MBNL3: variants seen among roughly 807,000 people sequenced by gnomAD.
MBNL3 encodes muscleblind like splicing regulator 3.
In MBNL3, 6 loss-of-function variants were observed where a neutral mutation model predicts 24.5. The observed-to-expected ratio is 0.25, with a 90% confidence interval of 0.13 to 0.48. MBNL3 has a LOEUF of 0.48. MBNL3 is among the 20% of genes least tolerant of loss of function. The pLI is 0.99. For missense variants in MBNL3, 230 were observed against 293.5 expected, an observed-to-expected ratio of 0.78 and a Z score of 1.58; for synonymous variants, 100 against 101.7, an observed-to-expected ratio of 0.98 and a Z score of 0.10.
Position 132,390,919 on chromosome X carries a change from A to G in MBNL3, c.699T>C (p.His233=). The change falls in exon 5 of 9, where the codon CAT becomes CAC. Residue 233 remains histidine, a synonymous_variant. Coordinates refer to ENST00000370853, the MANE Select transcript of MBNL3 (RefSeq NM_001386889.1). ...RCSREKCKYF[H]PPAHLQARLK... is the part of the protein sequence containing the mutation. ...GTCTGGCTTGCAAGTGTGCAGGAGG[A>G]TGAAAGTACTTGCATTTCTCCCGCG... 1.7e-6 allele frequency: 2 copies of G among 1,211,469 alleles called. No individual in the cohort carries two copies. The highest frequency in any genetic ancestry group is 2.2e-6 in the Non-Finnish European group (2 of 895,395).
intron 2 of MBNL3, chrX:132,411,160 C>G (rs1045535717): frequency 2.7e-6 from 2 of 754,153 alleles, no homozygotes; most frequent in Non-Finnish European, 3.1e-6. Flanking sequence ...GCCAAGTACC[C>G]CCCACCATTG....
chrX:132,451,456 T>C (rs1431798935), intron 1 of MBNL3, among the ~76,000 whole-genome samples: 1 of 111,740 alleles, frequency 8.9e-6, no homozygotes, highest in Non-Finnish European at 1.9e-5. Context: ...TTGAGGTGGC[T>C]TTGTTTACGC....
intron 1 of MBNL3, among the ~76,000 whole-genome samples, chrX:132,448,101 C>T (rs991388336): frequency 1.1e-4 from 12 of 111,780 alleles, no homozygotes; most frequent in Non-Finnish European, 2.3e-4. Flanking sequence ...GGGATGAAGC[C>T]GACTTGATCA....
At chrX:132,411,218 C>G in intron 2 of MBNL3, 1 of 754,299 alleles carries the variant, frequency 1.3e-6, no homozygotes. Flanking sequence ...ACTCTGTTTT[C>G]TTGACACATC....
chrX:132,386,815 T>TG lies in MBNL3; in HGVS notation c.772-5dup, dbSNP rs200191660. ...GCAGTGTACCAGGCTGCAGGGCCTG[T>TG]GGGGGGAGAGATGGTACTAGTACTA... On this transcript the variant is annotated splice_polypyrimidine_tract_variant and splice_region_variant and intron_variant, in intron 5 of 8. Transcript: ENST00000370853. 2,672 of 1,207,439 alleles carry TG rather than the reference T, an allele frequency of 2.2e-3. 37 individuals are homozygous for TG. The African/African-American group carries it at 0.043, about 20-fold the overall frequency.
intron 2 of MBNL3, 122 bp from the exon 3 acceptor site, chrX:132,406,514 G>C: frequency 1.7e-6 from 1 of 598,666 alleles, no homozygotes; most frequent in Non-Finnish European, 2.5e-6. Flanking sequence ...CATATAAGGC[G>C]AGAAACACCC....
chrX:132,429,748 G>A, intron 2 of MBNL3: 1 of 111,807 alleles, frequency 8.9e-6, no homozygotes, highest in African/African-American at 3.3e-5. Context: ...ATAAGAGCTG[G>A]ATGCTTTTGG....
At chrX:132,458,629 T>C (rs1946492119) in intron 1 of MBNL3, among the ~76,000 whole-genome samples, 1 of 110,940 alleles carries the variant, frequency 9.0e-6, no homozygotes, top group Admixed American at 9.6e-5. Context: ...AAACCCAGTC[T>C]TACTAGAACT....
intron 2 of MBNL3, among the ~76,000 whole-genome samples, chrX:132,426,539 T>G (rs1944319723): frequency 9.0e-6 from 1 of 111,708 alleles, no homozygotes; most frequent in South Asian, 3.8e-4. Flanking sequence ...TCAGCCATTC[T>G]GACTTAACAT....
At chrX:132,439,038 G>T (rs1945267137) in intron 2 of MBNL3, among the ~76,000 whole-genome samples, 1 of 110,308 alleles carries the variant, frequency 9.1e-6, no homozygotes, top group African/African-American at 3.3e-5. Flanking sequence ...CTATAATTCA[G>T]TGAAGGGCTT....
At chrX:132,395,904 TAAG>T (rs1323777908) in intron 3 of MBNL3, among the ~76,000 whole-genome samples, 3 of 111,166 alleles carry the variant, frequency 2.7e-5, no homozygotes, top group Non-Finnish European at 5.7e-5. Context: ...ACTTACTGGT[TAAG>T]AATCTCTGTT....
rs753045464 is a variant in MBNL3, at chrX:132,392,125, A to G, written c.534+18T>C. ...TAATATCTATTCTACAGGTATTTAT[A>G]TATATGTTCACAAATACCTCCAGTT... On this transcript the variant is annotated intron_variant, in intron 4 of 8. Transcript: ENST00000370853. 8.7e-7 allele frequency: 1 copy of G among 1,151,444 alleles called. No homozygotes were observed. Among genetic ancestry groups the G allele is most frequent in the Non-Finnish European group, 1.2e-6 (1 of 850,351 alleles). The allele number at this position is 1,151,444 out of a possible 1,213,427, so 94.9% of individuals were successfully genotyped here.
chrX:132,456,552 T>C (rs1946380917), intron 1 of MBNL3, among the ~76,000 whole-genome samples: 2 of 112,359 alleles, frequency 1.8e-5, no homozygotes, highest in African/African-American at 6.5e-5. Context: ...TTTTCTCATT[T>C]AATCATCCCC....
intron 1 of MBNL3, among the ~76,000 whole-genome samples, chrX:132,478,310 T>C (rs1373936004): frequency 1.8e-5 from 2 of 111,642 alleles, no homozygotes; most frequent in Non-Finnish European, 3.8e-5. Flanking sequence ...ATATATAAAG[T>C]TTCTGCCTTC....
Position 132,442,547 on chromosome X carries a change from C to CA in MBNL3, c.-703-2234dup, listed in dbSNP as rs759305394. On this transcript the variant is annotated intron_variant, in intron 1 of 8. Coordinates refer to ENST00000370853, the MANE Select transcript of MBNL3 (RefSeq NM_001386889.1). ...CTGAACACATTTGGAAGGAAAATGACAAAAAAGATCTATCTATCTATACAA... is the reference window on the plus strand; with the variant it reads ...CTGAACACATTTGGAAGGAAAATGACAAAAAAAGATCTATCTATCTATACAA... Among the ~76,000 whole-genome samples, 11 of 111,803 alleles carry CA rather than the reference C, an allele frequency of 9.8e-5. No homozygotes were observed. The East Asian group carries it at 3.1e-3, about 31-fold the overall frequency.
chrX:132,440,395 T>C (rs1945330719), intron 1 of MBNL3, among the ~76,000 whole-genome samples, 81 bp from the exon 2 acceptor site: 1 of 111,963 alleles, frequency 8.9e-6, no homozygotes, highest in Admixed American at 9.5e-5. Flanking sequence ...AAGAAGTAAC[T>C]ATATCCTATT....
At position 132,396,365 on chromosome X, in the gene MBNL3, T is replaced by A. The variant is rs181594013; in HGVS notation, c.343-4031A>T. 2.1e-3 allele frequency among the ~76,000 whole-genome samples: 189 copies of A among 87,939 alleles called. 2 individuals are homozygous for A. Among genetic ancestry groups the A allele is most frequent in the African/African-American group, 6.9e-3 (163 of 23,632 alleles). The allele number at this position is 87,939 out of a possible 115,157, so 76.4% of individuals were successfully genotyped here. A position where few individuals can be genotyped will look rare whatever the true frequency, so the allele number is the denominator to read the frequency against. The stretch of plus-strand genomic sequence containing the variant: ...ATATTCATATATATATATTCCTATA[T>A]ATATTCATATATATTCATATATATA... On this transcript the variant is annotated intron_variant, in intron 3 of 8. Coordinates refer to ENST00000370853, the MANE Select transcript of MBNL3 (RefSeq NM_001386889.1).
intron 1 of MBNL3, among the ~76,000 whole-genome samples, chrX:132,461,551 C>T (rs1946631240): frequency 9.0e-6 from 1 of 111,156 alleles, no homozygotes; most frequent in African/African-American, 3.3e-5. Context: ...AGCTTATAAT[C>T]TAGTTGGGGA....
chrX:132,462,229 T>C (rs1484039676), intron 1 of MBNL3, among the ~76,000 whole-genome samples: 2 of 112,021 alleles, frequency 1.8e-5, no homozygotes, highest in African/African-American at 6.5e-5. Context: ...TCTACCTCCC[T>C]CTCTCTCCTG....
Sources: allele counts gnomAD v4.1 joint callset (sites outside exome capture counted in the v4.1 genomes callset), GRCh38; gene constraint gnomAD v4.1.1; transcripts MANE v1.5; gene names NCBI Gene and HGNC (gene_info 2026-07-23, HGNC 2026-07-21).